The following SRPK2 variants were observed in gnomAD, a reference collection of about 807,000 sequenced individuals.
SRPK2 encodes the protein SFRS protein kinase 2.
In SRPK2, 21 loss-of-function variants were observed where a neutral mutation model predicts 90.8. The ratio of observed to expected loss-of-function variants is 0.23; its 90% confidence interval spans 0.16 to 0.33. The LOEUF (loss-of-function observed/expected upper bound fraction) is 0.33. Among genes scored for constraint, SRPK2 ranks in the 10% least tolerant of loss-of-function variants. The pLI is 1.00. For missense variants in SRPK2, 620 were observed against 869.0 expected (o/e 0.71, Z 3.60); for synonymous variants, 288 against 311.1 (o/e 0.93, Z 0.78).
At chr7:105,334,587 C>T (rs533636411) in intron 2 of SRPK2, among the ~76,000 whole-genome samples, 1 of 151,996 alleles carries the variant, frequency 6.6e-6, no homozygotes, top group African/African-American at 2.4e-5. Context: ...TCTGTAATCC[C>T]AGTACTTTGG....
intron 2 of SRPK2, among the ~76,000 whole-genome samples, chr7:105,216,685 G>C (rs936880655): frequency 1.5e-4 from 23 of 151,092 alleles, no homozygotes; most frequent in Non-Finnish European, 3.2e-4. Context: ...GAGAGAGAGA[G>C]ACACCACCAC....
At chr7:105,260,489 T>A (rs1804060555) in intron 2 of SRPK2, among the ~76,000 whole-genome samples, 1 of 152,164 alleles carries the variant, frequency 6.6e-6, no homozygotes, top group Non-Finnish European at 1.5e-5. Context: ...TCCTCAAGGA[T>A]CTAGAACTAG....
At chr7:105,148,285 G>C (rs990883458) in intron 7 of SRPK2, among the ~76,000 whole-genome samples, 1 of 152,164 alleles carries the variant, frequency 6.6e-6, no homozygotes, top group African/African-American at 2.4e-5. Flanking sequence ...GAGAAGGGGG[G>C]CTTGATTTAA....
At chr7:105,173,919 G>C (rs1415804090) in intron 3 of SRPK2, among the ~76,000 whole-genome samples, 1 of 144,648 alleles carries the variant, frequency 6.9e-6, no homozygotes, top group Non-Finnish European at 1.5e-5. Flanking sequence ...GTTGTGTGTT[G>C]GTGTTTTTTT....
chr7:105,192,050 CTTTT>C (rs34465290), intron 3 of SRPK2, among the ~76,000 whole-genome samples: 30 of 143,842 alleles, frequency 2.1e-4, no homozygotes, highest in South Asian at 4.4e-4. Context: ...TCTGCTTCTG[CTTTT>C]TTTTTTTTTT....
intron 3 of SRPK2, among the ~76,000 whole-genome samples, chr7:105,181,002 C>T (rs566496691): frequency 7.2e-5 from 11 of 152,264 alleles, no homozygotes; most frequent in Non-Finnish European, 1.5e-4. Flanking sequence ...CCAGAATCTA[C>T]ACAGAACTTA....
intron 2 of SRPK2, among the ~76,000 whole-genome samples, chr7:105,283,424 G>C (rs1212595297): frequency 6.6e-6 from 1 of 152,206 alleles, no homozygotes; most frequent in Non-Finnish European, 1.5e-5. Context: ...TAAATAAAAT[G>C]TGGTATATAC....
At chr7:105,170,961 A>AAG (rs754031429) in intron 3 of SRPK2, among the ~76,000 whole-genome samples, 2 of 45,264 alleles carry the variant, frequency 4.4e-5, no homozygotes, top group Non-Finnish European at 1.2e-4. Flanking sequence ...GAAAGAAAGA[A>AAG]AGAAAGAGAA....
chr7:105,388,922 G>GGGCCGC, upstream of SRPK2: 1 of 1,203,616 alleles, frequency 8.3e-7, no homozygotes, highest in African/African-American at 1.6e-5. Flanking sequence ...AACCGCGCCT[G>GGGCCGC]CGCCGCCGCC....
intron 2 of SRPK2, among the ~76,000 whole-genome samples, chr7:105,387,007 G>C (rs1008222172): frequency 1.3e-5 from 2 of 152,134 alleles, no homozygotes; most frequent in Admixed American, 1.3e-4. Context: ...CCACCAAAAA[G>C]GCCCTCGACC....
chr7:105,142,599 A>G (rs1266838444), intron 10 of SRPK2, 109 bp from the exon 11 acceptor site: 3 of 1,408,368 alleles, frequency 2.1e-6, no homozygotes, highest in Non-Finnish European at 2.8e-6. Context: ...CTTATGTACC[A>G]CCTGGTAAAC....
At chr7:105,224,573 C>CA (rs1464686022) in intron 2 of SRPK2, among the ~76,000 whole-genome samples, 1 of 152,152 alleles carries the variant, frequency 6.6e-6, no homozygotes, top group Non-Finnish European at 1.5e-5. Context: ...CCCACGACTG[C>CA]ACTCCAGCCT....
chr7:105,359,728 C>A (rs370977076), intron 2 of SRPK2, among the ~76,000 whole-genome samples: 8 of 152,110 alleles, frequency 5.3e-5, no homozygotes, highest in Admixed American at 6.6e-5. Flanking sequence ...ATCTGGAAAC[C>A]GTTCATCCTT....
In SRPK2 at chr7:105,289,100, CAAAAA is replaced by C. The variant is rs57131530; in HGVS notation, c.72-85320_72-85316del. 1.0e-3 allele frequency among the ~76,000 whole-genome samples: 90 copies of C among 86,642 alleles called. No individual in the cohort carries two copies. In the East Asian group the frequency reaches 0.011, roughly 11 times the overall value. 56.8% of individuals were successfully genotyped at this position (86,642 alleles called of 152,430 possible). On this transcript the variant is annotated intron_variant, in intron 2 of 15. Coordinates refer to ENST00000393651, the MANE Select transcript of SRPK2 (RefSeq NM_182692.3). ...TGAAACCCCATCTCTACTTAAAGCACAAAAAAAAAAAAAAAAAAAAAAAATTAGCC... is the reference window on the plus strand; with the variant it reads ...TGAAACCCCATCTCTACTTAAAGCACAAAAAAAAAAAAAAAAAAATTAGCC...
rs528505661 is a variant in SRPK2, at chr7:105,138,388, G to A, written c.1543+3620C>T. Among the ~76,000 whole-genome samples, 7 of 152,308 alleles carry A rather than the reference G, an allele frequency of 4.6e-5. No homozygotes were observed. In the East Asian group the frequency reaches 1.4e-3, roughly 29 times the overall value. The stretch of plus-strand genomic sequence containing the variant: ...GGGAAAGAGAAGTAAGCCTGCTGGG[G>A]ATACAGGAAGCCCTCACCCAGGAGG... On this transcript the variant is annotated intron_variant, in intron 11 of 15. Coordinates refer to ENST00000393651, the MANE Select transcript of SRPK2 (RefSeq NM_182692.3).
intron 2 of SRPK2, among the ~76,000 whole-genome samples, chr7:105,373,941 T>G (rs1302473050): frequency 1.3e-5 from 2 of 152,128 alleles, no homozygotes; most frequent in African/African-American, 4.8e-5. Context: ...CTTTCTTTCT[T>G]TTTTGAGATG....
chr7:105,171,986 T>G (rs1167628238), intron 3 of SRPK2, among the ~76,000 whole-genome samples: 4 of 152,092 alleles, frequency 2.6e-5, no homozygotes, highest in Non-Finnish European at 5.9e-5. Context: ...CTCCACCTCC[T>G]GGGTTCAAGC....
intron 3 of SRPK2, among the ~76,000 whole-genome samples, chr7:105,170,736 GAAGAAAGGGAGGA>G (rs1340981894): frequency 2.3e-4 from 25 of 109,972 alleles, no homozygotes; most frequent in African/African-American, 9.0e-4. Context: ...GAAAGAAAGG[GAAGAAAGGGAGGA>G]AGGAAGGAAG....
intron 2 of SRPK2, among the ~76,000 whole-genome samples, chr7:105,333,904 G>A (rs567801900): frequency 6.6e-6 from 1 of 152,134 alleles, no homozygotes; most frequent in Admixed American, 6.6e-5. Context: ...ATGCTATGAT[G>A]TTTCTGAGTT....
Sources: allele counts gnomAD v4.1 joint callset (sites outside exome capture counted in the v4.1 genomes callset), GRCh38; gene constraint gnomAD v4.1.1; transcripts MANE v1.5; gene names NCBI Gene and HGNC (gene_info 2026-07-23, HGNC 2026-07-21).